Variants in ATP9B observed in about 807,000 individuals in gnomAD.
ATP9B encodes probable phospholipid-transporting ATPase IIB.
In ATP9B, 110 loss-of-function variants were observed where a neutral mutation model predicts 146.1. That is an observed-to-expected ratio of 0.75 (90% CI 0.65 to 0.88). The LOEUF (loss-of-function observed/expected upper bound fraction) is 0.88, where lower values mean the gene tolerates loss of function less well. Ranked by LOEUF, ATP9B falls within the 40% of genes least tolerant of loss-of-function variation. ATP9B has a pLI of 0.00. For missense variants in ATP9B, 1,499 were observed against 1,496.4 expected (o/e 1.00, Z -0.03); for synonymous variants, 604 against 569.7 (o/e 1.06, Z -0.86).
At chr18:79,220,690 G>T (rs973697973) in intron 11 of ATP9B, among the ~76,000 whole-genome samples, 2 of 152,112 alleles carry the variant, frequency 1.3e-5, no homozygotes, top group Admixed American at 6.5e-5. Flanking sequence ...ACATTTTCTA[G>T]GTTTATCCAG....
chr18:79,211,241 T>C (rs1205737283), intron 10 of ATP9B, among the ~76,000 whole-genome samples: 1 of 152,254 alleles, frequency 6.6e-6, no homozygotes, highest in East Asian at 1.9e-4. Context: ...TTCTTTGTCT[T>C]GCTTTGCAAC....
At chr18:79,119,464 A>T (rs1164844674) in intron 4 of ATP9B, among the ~76,000 whole-genome samples, 1 of 152,172 alleles carries the variant, frequency 6.6e-6, no homozygotes, top group Non-Finnish European at 1.5e-5. Context: ...ATTTTGAAGT[A>T]CTTTATCATT....
At chr18:79,305,982 T>A (rs2096618236) in intron 14 of ATP9B, among the ~76,000 whole-genome samples, 1 of 152,238 alleles carries the variant, frequency 6.6e-6, no homozygotes, top group African/African-American at 2.4e-5. Flanking sequence ...TCACTAAACA[T>A]CACGTAGTTT....
At chr18:79,220,330 G>A (rs2095665754) in intron 11 of ATP9B, among the ~76,000 whole-genome samples, 1 of 152,208 alleles carries the variant, frequency 6.6e-6, no homozygotes, top group Admixed American at 6.5e-5. Flanking sequence ...GCCAGGTGCA[G>A]TGGCTCACTC....
At chr18:79,174,221 A>C (rs1265930749) in intron 7 of ATP9B, 1 of 420,994 alleles carries the variant, frequency 2.4e-6, no homozygotes. Flanking sequence ...TTATTCTAGG[A>C]ATTTTCACTG....
At chr18:79,141,908 A>G (rs1419409229) in intron 5 of ATP9B, among the ~76,000 whole-genome samples, 3 of 152,350 alleles carry the variant, frequency 2.0e-5, no homozygotes, top group Admixed American at 6.5e-5. Flanking sequence ...GAAAGCGGGT[A>G]ACTTTCCTCC....
intron 6 of ATP9B, among the ~76,000 whole-genome samples, chr18:79,150,711 C>T (rs933505224): frequency 1.3e-5 from 2 of 151,988 alleles, no homozygotes; most frequent in African/African-American, 2.4e-5. Flanking sequence ...TTTTAAAGGC[C>T]GGGCATGATG....
intron 25 of ATP9B, 51 bp downstream of exon 25, chr18:79,348,247 T>TA: frequency 2.1e-5 from 23 of 1,094,110 alleles, no homozygotes; most frequent in Admixed American, 6.1e-5. Context: ...ACTTCTATTT[T>TA]GAAAAAAAAA....
rs117248774 is a variant in ATP9B at position 79,332,072 on chromosome 18, A to G, written c.2028+1968A>G. Among the ~76,000 whole-genome samples, 5 of 152,390 alleles carry G rather than the reference A, an allele frequency of 3.3e-5. No individual in the cohort carries two copies. The East Asian group carries it at 9.6e-4, about 29-fold the overall frequency. ...GGATAAATCGATTAACACATTGTGT[A>G]TGTTACATGAATTATATTCTGCATT... On this transcript the variant is annotated intron_variant, in intron 17 of 29. Transcript: ENST00000426216.
chr18:79,100,699 C>G (rs763030383), intron 2 of ATP9B, among the ~76,000 whole-genome samples: 29 of 152,076 alleles, frequency 1.9e-4, no homozygotes, highest in Admixed American at 6.6e-5. Context: ...TAAAGACATA[C>G]CCGAGACTGG....
intron 11 of ATP9B, among the ~76,000 whole-genome samples, chr18:79,219,857 GC>G (rs2095661666): frequency 6.6e-6 from 1 of 152,214 alleles, no homozygotes. Context: ...TGAAATTGAT[GC>G]AACATGGTAA....
At chr18:79,307,267 C>A in intron 15 of ATP9B, 33 bp downstream of exon 15, 1 of 1,612,990 alleles carries the variant, frequency 6.2e-7, no homozygotes, top group East Asian at 2.2e-5. Flanking sequence ...GGGAGCTTGT[C>A]CGTTCCATTT....
rs528171142 is a variant in ATP9B, at chr18:79,158,151, A to G, written c.778+3596A>G. ...CAGGTGTTCATAACTACAAATTTCC[A>G]TCTAAGTACTGCTTTTGCTGTATTT... On this transcript the variant is annotated intron_variant, in intron 7 of 29. Coordinates refer to ENST00000426216, the MANE Select transcript of ATP9B (RefSeq NM_198531.5). Among the ~76,000 whole-genome samples, 15 of 152,254 alleles carry G rather than the reference A, an allele frequency of 9.9e-5. No homozygotes were observed. In the East Asian group the frequency reaches 2.5e-3, roughly 25 times the overall value.
intron 17 of ATP9B, among the ~76,000 whole-genome samples, chr18:79,332,165 T>C (rs139998401): frequency 0.025 from 3,797 of 152,252 alleles, 74 homozygotes; most frequent in Non-Finnish European, 0.035. Flanking sequence ...TACGGTGGCT[T>C]ACGCCTGTAA....
At chr18:79,349,898 C>A (rs111368677) in intron 25 of ATP9B, among the ~76,000 whole-genome samples, 2,186 of 151,100 alleles carry the variant, frequency 0.014, 24 homozygotes, top group Middle Eastern at 0.044. Context: ...CCCCGCACCC[C>A]CCCCCCCACC....
intron 11 of ATP9B, among the ~76,000 whole-genome samples, chr18:79,216,708 T>C (rs2095630221): frequency 6.6e-6 from 1 of 152,226 alleles, no homozygotes. Flanking sequence ...TTCTTTTCCC[T>C]GTTCCTCTCT....
At chr18:79,211,689 A>T (rs2095585349) in intron 10 of ATP9B, among the ~76,000 whole-genome samples, 1 of 152,244 alleles carries the variant, frequency 6.6e-6, no homozygotes, top group Non-Finnish European at 1.5e-5. Flanking sequence ...GTCTTGGGAT[A>T]AATGAAGTTA....
At chr18:79,292,266 ACT>A (rs1269224695) in intron 13 of ATP9B, among the ~76,000 whole-genome samples, 1 of 151,864 alleles carries the variant, frequency 6.6e-6, no homozygotes, top group Non-Finnish European at 1.5e-5. Context: ...GGAGAGCAAA[ACT>A]CTCTCTGTAT....
intron 11 of ATP9B, among the ~76,000 whole-genome samples, chr18:79,216,262 G>C (rs1215439555): frequency 1.3e-5 from 2 of 151,924 alleles, no homozygotes; most frequent in Non-Finnish European, 2.9e-5. Context: ...CTTTACTCAG[G>C]GTCTTGGTTC....
Sources: gnomAD v4.1 joint callset for allele counts (sites outside exome capture counted in the v4.1 genomes callset) on GRCh38, gnomAD v4.1.1 for gene constraint, MANE v1.5 for transcripts, NCBI Gene and HGNC (gene_info 2026-07-23, HGNC 2026-07-21) for gene names.